The following CLMN variants were observed in gnomAD, a reference collection of about 807,000 sequenced individuals.
CLMN encodes calmin.
A neutral mutation model predicts 92.7 loss-of-function variants in CLMN; 57 were observed. That is an observed-to-expected ratio of 0.61 (90% CI 0.50 to 0.77). The LOEUF (loss-of-function observed/expected upper bound fraction) is 0.77, where lower values mean the gene tolerates loss of function less well. Ranked by LOEUF, CLMN falls within the 30% of genes least tolerant of loss-of-function variation. CLMN has a pLI of 0.00. For missense variants in CLMN, 1,158 were observed against 1,237.5 expected (o/e 0.94, Z 0.96); for synonymous variants, 466 against 470.6 (o/e 0.99, Z 0.13).
chr14:95,289,531 C>T (rs940043426), intron 1 of CLMN, among the ~76,000 whole-genome samples: 2 of 150,474 alleles, frequency 1.3e-5, no homozygotes, highest in East Asian at 1.9e-4. Context: ...ACAAAAAAAC[C>T]GTTGTTCTAC....
At chr14:95,295,929 G>A (rs12435525) in intron 1 of CLMN, among the ~76,000 whole-genome samples, 43,607 of 152,138 alleles carry the variant, frequency 0.29, 7,040 homozygotes, top group East Asian at 0.6. Context: ...GTAACAAATT[G>A]CCACAAATGT....
At chr14:95,282,279 G>A (rs1347319610) in intron 1 of CLMN, among the ~76,000 whole-genome samples, 1 of 152,160 alleles carries the variant, frequency 6.6e-6, no homozygotes, top group Non-Finnish European at 1.5e-5. Flanking sequence ...CATGGAGAGT[G>A]GCCAAACCAG....
intron 1 of CLMN, among the ~76,000 whole-genome samples, chr14:95,292,421 C>T (rs990648671): frequency 9.0e-6 from 1 of 111,130 alleles, no homozygotes; most frequent in Non-Finnish European, 1.9e-5. Flanking sequence ...GATCTGCCCC[C>T]CAAGGGTCCC....
intron 4 of CLMN, among the ~76,000 whole-genome samples, chr14:95,220,747 C>G (rs1218067890): frequency 6.6e-6 from 1 of 152,226 alleles, no homozygotes; most frequent in African/African-American, 2.4e-5. Flanking sequence ...TGTGCAGCCA[C>G]ACATCCTGTC....
chr14:95,241,634 G>A (rs936149061), intron 1 of CLMN, among the ~76,000 whole-genome samples: 4 of 152,210 alleles, frequency 2.6e-5, no homozygotes, highest in African/African-American at 9.7e-5. Context: ...AGCTGGAAGT[G>A]TCACCAACAT....
intron 1 of CLMN, among the ~76,000 whole-genome samples, chr14:95,266,474 C>T (rs1467018353): frequency 6.6e-6 from 1 of 152,024 alleles, no homozygotes; most frequent in African/African-American, 2.4e-5. Flanking sequence ...TATAAAATAC[C>T]TAGGTATAGA....
At chr14:95,196,432 G>T in intron 10 of CLMN, 66 bp downstream of exon 10, 2 of 1,498,204 alleles carry the variant, frequency 1.3e-6, no homozygotes, top group Non-Finnish European at 1.8e-6. Context: ...CATCAAATCA[G>T]AAACTGCAAA....
intron 4 of CLMN, among the ~76,000 whole-genome samples, chr14:95,221,089 A>G (rs1897523340): frequency 6.6e-6 from 1 of 152,188 alleles, no homozygotes; most frequent in Non-Finnish European, 1.5e-5. Flanking sequence ...CCAATGTGTC[A>G]GGCAAGCTGG....
intron 1 of CLMN, among the ~76,000 whole-genome samples, chr14:95,312,149 C>A (rs1426907803): frequency 1.3e-5 from 2 of 152,158 alleles, no homozygotes; most frequent in Non-Finnish European, 2.9e-5. Context: ...CCCTCCCCAC[C>A]CTACACTCCT....
intron 1 of CLMN, among the ~76,000 whole-genome samples, chr14:95,274,927 A>G (rs2140728529): frequency 6.7e-6 from 1 of 149,388 alleles, no homozygotes; most frequent in African/African-American, 2.5e-5. Context: ...TTGCAGTGAG[A>G]TGAGATAGCA....
Position 95,204,459 on chromosome 14 carries a change from T to C in CLMN, c.890A>G (p.Asp297Gly). ...LERFPELEAE[D>G]IFDSDKEVPI... The stretch of plus-strand genomic sequence containing the variant: ...AACTTCTTTATCTGAATCGAAAATA[T>C]CTTCCTGCAAAAAAAAACAAAAACA... The change falls in exon 9 of 13, where the codon GAT becomes GGT. Residue 297 changes from aspartate to glycine, a missense_variant. Coordinates refer to ENST00000298912, the MANE Select transcript of CLMN (RefSeq NM_024734.4). The C allele has an allele frequency of 3.9e-6, 6 of 1,530,652 alleles. No homozygotes were observed. Among genetic ancestry groups the C allele is most frequent in the Non-Finnish European group, 4.4e-6 (5 of 1,146,630 alleles). 94.8% of individuals were successfully genotyped at this position (1,530,652 alleles called of 1,614,324 possible). A position where few individuals can be genotyped will look rare whatever the true frequency, so the allele number is the denominator to read the frequency against.
intron 1 of CLMN, among the ~76,000 whole-genome samples, chr14:95,238,123 C>T (rs1200452233): frequency 2.0e-5 from 3 of 152,194 alleles, no homozygotes; most frequent in African/African-American, 7.2e-5. Context: ...CCCTGCCTGC[C>T]CCTCCAGCCC....
rs56738215 is a variant in CLMN at position 95,194,134 on chromosome 14, A to AC, written c.2770-216dup. On this transcript the variant is annotated intron_variant, in intron 11 of 12. Coordinates refer to ENST00000298912, the MANE Select transcript of CLMN (RefSeq NM_024734.4). This position sits in a 1 kb window ranked among gnomAD's most constrained non-coding sequence, Gnocchi z 4.0. ...CTCCCTTGTGAGTGCGAGAGACCCCACCACCCGGAACCCGGATTGGGGTGT... is the reference window on the plus strand; with the variant it reads ...CTCCCTTGTGAGTGCGAGAGACCCCACCCACCCGGAACCCGGATTGGGGTGT... 2.3e-3 allele frequency: 3,270 copies of AC among 1,411,176 alleles called. 68 individuals are homozygous for AC. The African/African-American group carries it at 0.042, about 18-fold the overall frequency. 87.4% of individuals were successfully genotyped at this position (1,411,176 alleles called of 1,614,324 possible).
chr14:95,278,869 A>T (rs1001870812), intron 1 of CLMN, among the ~76,000 whole-genome samples: 4 of 152,198 alleles, frequency 2.6e-5, no homozygotes, highest in African/African-American at 9.7e-5. Context: ...ATCCAGTATA[A>T]AAATGGGGAT....
At chr14:95,301,024 T>G (rs1207338588) in intron 1 of CLMN, among the ~76,000 whole-genome samples, 1 of 152,256 alleles carries the variant, frequency 6.6e-6, no homozygotes, top group African/African-American at 2.4e-5. Flanking sequence ...CTGCACCTGA[T>G]GCACTAAGTA....
At chr14:95,230,525 G>A (rs767869694) in intron 1 of CLMN, among the ~76,000 whole-genome samples, 1 of 152,234 alleles carries the variant, frequency 6.6e-6, no homozygotes, top group Admixed American at 6.5e-5. Flanking sequence ...ATGGGAGAGG[G>A]CAGTCAGGGT....
In CLMN at chr14:95,185,606, A is replaced by T. The variant is rs982566802; in HGVS notation, c.*5958T>A. On this transcript the variant is annotated 3_prime_UTR_variant, in exon 13 of 13. Coordinates refer to ENST00000298912, the MANE Select transcript of CLMN (RefSeq NM_024734.4). ...AGGAGAAATAACACAGCTGGGCCTC[A>T]CAGGGCTTTGTGCAGTCTCATTTCC... 2 of 152,206 alleles carry T rather than the reference A, an allele frequency of 1.3e-5. No individual in the cohort carries two copies. The highest frequency in any genetic ancestry group is 2.9e-5 in the Non-Finnish European group (2 of 68,066). 9.4% of individuals were successfully genotyped at this position (152,206 alleles called of 1,614,324 possible).
intron 1 of CLMN, among the ~76,000 whole-genome samples, chr14:95,306,575 A>G (rs1901288957): frequency 6.6e-6 from 1 of 152,138 alleles, no homozygotes; most frequent in Non-Finnish European, 1.5e-5. Flanking sequence ...TACCTGATGC[A>G]CCCAAACAAC....
Position 95,190,726 on chromosome 14 carries a change from T to G in CLMN, c.*838A>C, listed in dbSNP as rs1040478267. 6.6e-6 allele frequency: 1 copy of G among 152,176 alleles called. No homozygotes were observed. The highest frequency in any genetic ancestry group is 2.4e-5 in the African/African-American group (1 of 41,440). 9.4% of individuals were successfully genotyped at this position (152,176 alleles called of 1,614,324 possible). ...ACCAAAGCTTTAGTGGGCAGGAAGC[T>G]ACCCCACCACCCAGCTCCAGCACTG... is the stretch of plus-strand genomic sequence containing the variant. On this transcript the variant is annotated 3_prime_UTR_variant, in exon 13 of 13. Transcript: ENST00000298912.
Sources: gnomAD v4.1 joint callset for allele counts (sites outside exome capture counted in the v4.1 genomes callset) on GRCh38, gnomAD v4.1.1 for gene constraint, Gnocchi (gnomAD v3.1) non-coding constraint, MANE v1.5 for transcripts, NCBI Gene and HGNC (gene_info 2026-07-23, HGNC 2026-07-21) for gene names.